The following MYO3A variants were observed in gnomAD, a reference collection of about 807,000 sequenced individuals.
The protein encoded by MYO3A is myosin-IIIa.
A neutral mutation model predicts 192.7 loss-of-function variants in MYO3A; 180 were observed. The ratio of observed to expected loss-of-function variants is 0.93; its 90% confidence interval spans 0.83 to 1.06. The LOEUF is 1.06. Among genes scored for constraint, MYO3A ranks in the 50% least tolerant of loss-of-function variants. The pLI, the probability that MYO3A is intolerant of heterozygous loss-of-function variation, is 0.00. For synonymous variants in MYO3A, 628 were observed against 645.3 expected, an observed-to-expected ratio of 0.97 and a Z score of 0.41; for missense variants, 1,896 against 1,905.0, an observed-to-expected ratio of 1.00 and a Z score of 0.09.
At chr10:26,026,632 TA>T (rs1158846187) in intron 10 of MYO3A, 100 bp downstream of exon 10, 2 of 1,366,574 alleles carry the variant, frequency 1.5e-6, no homozygotes, top group African/African-American at 2.9e-5. Context: ...AATTTGGAGG[TA>T]ATGGGGACTT....
rs1840491586 is a variant in MYO3A, at chr10:25,997,029, T to C, written c.409-130T>C. 3.3e-5 allele frequency: 23 copies of C among 706,084 alleles called. 1 individual carries two copies. The South Asian group carries it at 3.5e-4, about 11-fold the overall frequency. The allele number at this position is 706,084 out of a possible 1,614,324, so 43.7% of individuals were successfully genotyped here. A position where few individuals can be genotyped will look rare whatever the true frequency, so the allele number is the denominator to read the frequency against. ...GTTCTTTGATGTGACTAACTCAATG[T>C]GAAACATTTGAGTGTCTGAATGTTA... On this transcript the variant is annotated intron_variant, in intron 5 of 34. Coordinates refer to ENST00000642920, the MANE Select transcript of MYO3A (RefSeq NM_017433.5).
chr10:26,197,211 A>G (rs61839360), intron 32 of MYO3A, among the ~76,000 whole-genome samples: 5,807 of 152,296 alleles, frequency 0.038, 170 homozygotes, highest in Non-Finnish European at 0.054. Flanking sequence ...TTTATATAGC[A>G]GGGAGGAAAT....
intron 2 of MYO3A, among the ~76,000 whole-genome samples, chr10:25,936,646 A>G (rs1442164176): frequency 6.6e-6 from 1 of 152,202 alleles, no homozygotes; most frequent in African/African-American, 2.4e-5. Flanking sequence ...TTGGCGACAC[A>G]TTGGGAGTTA....
At chr10:25,957,801 C>CGGTA (rs1344408898) in intron 4 of MYO3A, among the ~76,000 whole-genome samples, 1 of 152,040 alleles carries the variant, frequency 6.6e-6, no homozygotes, top group Non-Finnish European at 1.5e-5. Context: ...TGGTGTGAGA[C>CGGTA]GGTATCTCAT....
intron 4 of MYO3A, among the ~76,000 whole-genome samples, chr10:25,970,914 CTT>C (rs1194563005): frequency 6.6e-6 from 1 of 151,868 alleles, no homozygotes; most frequent in African/African-American, 2.4e-5. Context: ...ATAAAAGAAA[CTT>C]AATAATTAAA....
At chr10:26,014,517 C>A (rs569907613) in intron 6 of MYO3A, among the ~76,000 whole-genome samples, 1 of 152,100 alleles carries the variant, frequency 6.6e-6, no homozygotes, top group Admixed American at 6.5e-5. Flanking sequence ...TTCAAAAATA[C>A]CTTCACAGAA....
intron 4 of MYO3A, among the ~76,000 whole-genome samples, chr10:25,985,546 T>C (rs1426623585): frequency 6.6e-6 from 1 of 152,122 alleles, no homozygotes; most frequent in Admixed American, 6.5e-5. Flanking sequence ...CAAAAGATTA[T>C]TCAAGGATAC....
At chr10:26,108,791 G>T (rs1347124986) in intron 17 of MYO3A, among the ~76,000 whole-genome samples, 1 of 152,174 alleles carries the variant, frequency 6.6e-6, no homozygotes, top group African/African-American at 2.4e-5. Flanking sequence ...AGGAGGTGGG[G>T]ACTGGGGAAT....
intron 10 of MYO3A, among the ~76,000 whole-genome samples, chr10:26,054,113 G>A (rs1325534593): frequency 5.3e-5 from 8 of 151,584 alleles, no homozygotes; most frequent in Non-Finnish European, 5.9e-5. Context: ...GGGTGGGTGT[G>A]GGATCAGATT....
At chr10:25,968,657 G>A (rs1442419308) in intron 4 of MYO3A, among the ~76,000 whole-genome samples, 2 of 152,184 alleles carry the variant, frequency 1.3e-5, no homozygotes, top group East Asian at 1.9e-4. Flanking sequence ...CCTTATCCAA[G>A]GTTTTGCTTT....
intron 4 of MYO3A, among the ~76,000 whole-genome samples, chr10:25,968,541 A>T (rs1188284396): frequency 1.3e-5 from 2 of 151,660 alleles, no homozygotes; most frequent in Non-Finnish European, 3.0e-5. Flanking sequence ...TCTTTGAAAG[A>T]AAAAACGCTT....
chr10:26,082,506 A>G (rs534291465), intron 14 of MYO3A, among the ~76,000 whole-genome samples: 6 of 152,262 alleles, frequency 3.9e-5, no homozygotes, highest in Admixed American at 3.3e-4. Flanking sequence ...TACAGGTAGG[A>G]TCATGTTATC....
intron 14 of MYO3A, among the ~76,000 whole-genome samples, chr10:26,083,307 A>G (rs867656412): frequency 3.3e-5 from 5 of 152,228 alleles, no homozygotes; most frequent in Non-Finnish European, 7.3e-5. Context: ...GGTGGGACAG[A>G]GTGGGGTGGC....
At chr10:25,993,818 C>A (rs1386524816) in intron 4 of MYO3A, among the ~76,000 whole-genome samples, 1 of 152,028 alleles carries the variant, frequency 6.6e-6, no homozygotes, top group Admixed American at 6.6e-5. Flanking sequence ...TGTAGTTGAG[C>A]AGTTTTGAAT....
rs199969867 is a variant in MYO3A at position 26,096,584 on chromosome 10, C to T, written c.1678C>T (p.His560Tyr). Residue 560 changes from histidine to tyrosine, a missense_variant, in exon 17 of 35, where the codon CAC (histidine) becomes TAC (tyrosine). Transcript: ENST00000642920. ...TTTTTTTAGGTACCTACAAAATGAC[C>T]ACCTCAGAACAGTACAAGACATCAT... Reference protein sequence around the residue: ...NKPPRYLQNDHLRTVQDIMNN... With the variant: ...NKPPRYLQNDYLRTVQDIMNN... 3 of 1,601,962 alleles carry T rather than the reference C, an allele frequency of 1.9e-6. No individual in the cohort carries two copies. Among genetic ancestry groups the T allele is most frequent in the African/African-American group, 1.3e-5 (1 of 74,600 alleles).
At chr10:26,203,279 T>C (rs1843759772) in intron 34 of MYO3A, among the ~76,000 whole-genome samples, 172 bp downstream of exon 34, 1 of 152,228 alleles carries the variant, frequency 6.6e-6, no homozygotes, top group African/African-American at 2.4e-5. Flanking sequence ...TATGGTAAAG[T>C]AATCAGATAC....
At chr10:26,211,416 G>C (rs1844212760) in intron 34 of MYO3A, among the ~76,000 whole-genome samples, 1 of 152,220 alleles carries the variant, frequency 6.6e-6, no homozygotes, top group African/African-American at 2.4e-5. Flanking sequence ...ATTTTTTAAA[G>C]AAACATCTGA....
chr10:26,083,855 T>A (rs1364046289), intron 14 of MYO3A, among the ~76,000 whole-genome samples: 1 of 152,152 alleles, frequency 6.6e-6, no homozygotes, highest in East Asian at 1.9e-4. Flanking sequence ...CTAAGAAAAA[T>A]TTATATAATT....
At chr10:26,089,549 C>T (rs1173017808) in intron 15 of MYO3A, among the ~76,000 whole-genome samples, 2 of 151,098 alleles carry the variant, frequency 1.3e-5, no homozygotes, top group Non-Finnish European at 2.9e-5. Flanking sequence ...GGCAGTGAAC[C>T]GAGATCATGC....
Sources: gnomAD v4.1 joint callset for allele counts (sites outside exome capture counted in the v4.1 genomes callset) on GRCh38, gnomAD v4.1.1 for gene constraint, MANE v1.5 for transcripts, NCBI Gene and HGNC (gene_info 2026-07-23, HGNC 2026-07-21) for gene names.